AVL9: variants seen among roughly 807,000 people sequenced by gnomAD.
The protein encoded by AVL9 is late secretory pathway protein AVL9 homolog.
Under a neutral mutation model 79.2 loss-of-function variants are expected in AVL9, and 49 were observed. The ratio of observed to expected loss-of-function variants is 0.62; its 90% CI spans 0.49 to 0.79. AVL9 has a LOEUF of 0.79. AVL9 is among the 30% of genes least tolerant of loss of function. The pLI, the probability that AVL9 is intolerant of heterozygous loss-of-function variation, is 0.00. For synonymous variants in AVL9, 299 were observed against 280.6 expected, an observed-to-expected ratio of 1.07 and a Z score of -0.65; for missense variants, 682 against 776.8, an observed-to-expected ratio of 0.88 and a Z score of 1.45.
chr7:32,546,572 T>C (rs996189574), intron 3 of AVL9, among the ~76,000 whole-genome samples: 15 of 152,242 alleles, frequency 9.9e-5, no homozygotes, highest in Admixed American at 2.6e-4. Flanking sequence ...CCTGTAATCC[T>C]AGCACTTTGG....
intron 1 of AVL9, among the ~76,000 whole-genome samples, chr7:32,499,142 G>A (rs867978936): frequency 2.0e-5 from 3 of 152,036 alleles, no homozygotes; most frequent in South Asian, 2.1e-4. Context: ...CAGCCTGGGC[G>A]ACAATGAGTC....
At chr7:32,571,300 C>T (rs191171279) in intron 11 of AVL9, among the ~76,000 whole-genome samples, 5 of 145,886 alleles carry the variant, frequency 3.4e-5, no homozygotes, top group Admixed American at 6.9e-5. Flanking sequence ...GAGGCTGAGG[C>T]GGGTGGATCA....
At chr7:32,499,568 G>T (rs1422575064) in intron 1 of AVL9, among the ~76,000 whole-genome samples, 3 of 119,732 alleles carry the variant, frequency 2.5e-5, no homozygotes, top group Non-Finnish European at 3.5e-5. Context: ...TACAAAAAAG[G>T]CAGAATAACA....
chr7:32,573,134 G>A, intron 11 of AVL9, 65 bp from the exon 12 acceptor site: 2 of 1,299,998 alleles, frequency 1.5e-6, no homozygotes, highest in Admixed American at 1.8e-5. Flanking sequence ...TAGTTACTCT[G>A]TAAAGTGTGG....
At chr7:32,539,313 G>T (rs959134735) in intron 1 of AVL9, 2 of 152,098 alleles carry the variant, frequency 1.3e-5, no homozygotes, top group African/African-American at 4.8e-5. Context: ...TGTTAGTGTT[G>T]TTACTTTCCT....
chr7:32,576,495 A>G (rs1460908089), intron 13 of AVL9, among the ~76,000 whole-genome samples: 1 of 152,196 alleles, frequency 6.6e-6, no homozygotes, highest in African/African-American at 2.4e-5. Flanking sequence ...GAAACCAATT[A>G]AAGTTAATAT....
At position 32,584,054 on chromosome 7, in the gene AVL9, G is replaced by A. The variant is rs757181884; in HGVS notation, c.*147G>A. Reference sequence around the variant, plus strand: ...GGATGTTGCTCTAAGTGAATGTTTCGGGATGCCGAAATGATGAAATCACAG... The same window carrying A: ...GGATGTTGCTCTAAGTGAATGTTTCAGGATGCCGAAATGATGAAATCACAG... On this transcript the variant is annotated 3_prime_UTR_variant, in exon 16 of 16. Coordinates refer to ENST00000318709, the MANE Select transcript of AVL9 (RefSeq NM_015060.3). 12 of 711,828 alleles carry A rather than the reference G, an allele frequency of 1.7e-5. No homozygotes were observed. The highest frequency in any genetic ancestry group is 2.6e-4 in the Middle Eastern group (1 of 3,824). 44.1% of individuals were successfully genotyped at this position (711,828 alleles called of 1,614,324 possible). A position where few individuals can be genotyped will look rare whatever the true frequency, so the allele number is the denominator to read the frequency against.
At chr7:32,525,923 T>C (rs1316426255) in intron 1 of AVL9, among the ~76,000 whole-genome samples, 2 of 152,126 alleles carry the variant, frequency 1.3e-5, no homozygotes, top group African/African-American at 4.8e-5. Flanking sequence ...AATTTAGGCA[T>C]GCGGATACAT....
rs569649170 is a variant in AVL9, at chr7:32,588,264, G to T, written c.*4357G>T. 33 of 152,246 alleles carry T rather than the reference G, an allele frequency of 2.2e-4. No individual in the cohort carries two copies. Among genetic ancestry groups the T allele is most frequent in the African/African-American group, 7.9e-4 (33 of 41,552 alleles). 9.4% of individuals were successfully genotyped at this position (152,246 alleles called of 1,614,324 possible). A position where few individuals can be genotyped will look rare whatever the true frequency, so the allele number is the denominator to read the frequency against. On this transcript the variant is annotated 3_prime_UTR_variant, in exon 16 of 16. Coordinates refer to ENST00000318709, the MANE Select transcript of AVL9 (RefSeq NM_015060.3). ...TAATTGAAGTTTTCAGAAAGCTTCTGTGCTTAGAAAATATTTTGTTGTTTT... is the reference window on the plus strand; with the variant it reads ...TAATTGAAGTTTTCAGAAAGCTTCTTTGCTTAGAAAATATTTTGTTGTTTT...
In AVL9 at chr7:32,495,494, A is replaced by G; in HGVS notation, c.-216A>G. The G allele has an allele frequency of 2.6e-6, 1 of 379,072 alleles. No individual in the cohort carries two copies. Among genetic ancestry groups the G allele is most frequent in the Admixed American group, 4.5e-5 (1 of 21,998 alleles). The allele number at this position is 379,072 out of a possible 1,614,324, so 23.5% of individuals were successfully genotyped here. ...CCTCGCCGGCGGCGGCCGCCGTGTC[A>G]GGTGACAGCCCGGAAGCTGCGGAAG... On this transcript the variant is annotated 5_prime_UTR_variant, in exon 1 of 16. Transcript: ENST00000318709.
chr7:32,553,640 C>CT, intron 6 of AVL9, 87 bp from the exon 7 acceptor site: 1 of 883,032 alleles, frequency 1.1e-6, no homozygotes, highest in Non-Finnish European at 1.7e-6. Flanking sequence ...TTTTTTTAAC[C>CT]TTTCTTTCTG....
chr7:32,519,259 T>C (rs1336252530), intron 1 of AVL9, among the ~76,000 whole-genome samples: 1 of 152,018 alleles, frequency 6.6e-6, no homozygotes, highest in Non-Finnish European at 1.5e-5. Flanking sequence ...AAACCCCATC[T>C]CTACTAAAAA....
At chr7:32,580,399 G>A in intron 14 of AVL9, 127 bp downstream of exon 14, 2 of 720,072 alleles carry the variant, frequency 2.8e-6, no homozygotes. Flanking sequence ...CCAAATATGT[G>A]CATAACATTC....
intron 1 of AVL9, 107 bp from the exon 2 acceptor site, chr7:32,543,034 G>A: frequency 7.1e-7 from 1 of 1,416,522 alleles, no homozygotes; most frequent in Non-Finnish European, 9.7e-7. Flanking sequence ...ATACAGTGTG[G>A]CTTATCCCGA....
At chr7:32,553,963 G>A (rs191029917) in intron 7 of AVL9, among the ~76,000 whole-genome samples, 196 bp downstream of exon 7, 3 of 152,224 alleles carry the variant, frequency 2.0e-5, no homozygotes, top group Non-Finnish European at 4.4e-5. Flanking sequence ...TGCTTGTATT[G>A]TAGAAATTTA....
At position 32,497,670 on chromosome 7, in the gene AVL9, T is replaced by C. The variant is rs1411156106; in HGVS notation, c.93+1868T>C. 2.2e-5 allele frequency among the ~76,000 whole-genome samples: 3 copies of C among 133,834 alleles called. No individual in the cohort carries two copies. The Admixed American group carries it at 2.3e-4, about 10-fold the overall frequency. 87.8% of individuals were successfully genotyped at this position (133,834 alleles called of 152,430 possible). A position where few individuals can be genotyped will look rare whatever the true frequency, so the allele number is the denominator to read the frequency against. Reference sequence around the variant, plus strand: ...CATTAGTTCTTTTTTTTTTTTTTTTTCTTCAGATGGAATCTCACTCTCTCA... The same window carrying C: ...CATTAGTTCTTTTTTTTTTTTTTTTCCTTCAGATGGAATCTCACTCTCTCA... On this transcript the variant is annotated intron_variant, in intron 1 of 15. Coordinates refer to ENST00000318709, the MANE Select transcript of AVL9 (RefSeq NM_015060.3).
rs1791644628 is a variant in AVL9 at position 32,583,947 on chromosome 7, G to A, written c.*40G>A. 1.4e-6 allele frequency: 2 copies of A among 1,439,470 alleles called. No homozygotes were observed. Among genetic ancestry groups the A allele is most frequent in the African/African-American group, 1.4e-5 (1 of 71,140 alleles). The allele number at this position is 1,439,470 out of a possible 1,614,324, so 89.2% of individuals were successfully genotyped here. Reference sequence around the variant, plus strand: ...GCTGCTATTGCTTTCTGAGGTTTAAGTGTCCCCTGTCTGTCTGCTGCTCCC... The same window carrying A: ...GCTGCTATTGCTTTCTGAGGTTTAAATGTCCCCTGTCTGTCTGCTGCTCCC... On this transcript the variant is annotated 3_prime_UTR_variant, in exon 16 of 16. Transcript: ENST00000318709.
rs181726737 is a variant in AVL9 at position 32,572,571 on chromosome 7, G to A, written c.1351-628G>A. Among the ~76,000 whole-genome samples the A allele has an allele frequency of 1.0e-3, 153 of 150,724 alleles. 10 individuals are homozygous for A. Among genetic ancestry groups the A allele is most frequent in the African/African-American group, 3.6e-3 (144 of 40,110 alleles). On this transcript the variant is annotated intron_variant, in intron 11 of 15. Coordinates refer to ENST00000318709, the MANE Select transcript of AVL9 (RefSeq NM_015060.3). ...TAATCCCAGCACTTTGGGAGGCCGA[G>A]GTGGGCAGGTCACAAGGTCAAGACA...
At chr7:32,516,412 C>T (rs892749772) in intron 1 of AVL9, among the ~76,000 whole-genome samples, 3 of 152,074 alleles carry the variant, frequency 2.0e-5, no homozygotes, top group Admixed American at 6.6e-5. Flanking sequence ...TGGGCATTTG[C>T]GTGAGGAACT....
Sources: gnomAD v4.1 joint callset for allele counts (sites outside exome capture counted in the v4.1 genomes callset) on GRCh38, gnomAD v4.1.1 for gene constraint, MANE v1.5 for transcripts, NCBI Gene and HGNC (gene_info 2026-07-23, HGNC 2026-07-21) for gene names.